Variants in NHSL2 observed in about 807,000 individuals in gnomAD.
NHSL2 encodes the protein NHS like 2.
Under a neutral mutation model 53.4 loss-of-function variants are expected in NHSL2, and 27 were observed. The observed-to-expected ratio is 0.51, with a 90% confidence interval of 0.37 to 0.70. NHSL2 has a LOEUF of 0.70. NHSL2 is among the 30% of genes least tolerant of loss of function. The pLI is 0.00. For missense variants in NHSL2, 892 were observed against 980.1 expected, an observed-to-expected ratio of 0.91 and a Z score of 1.20; for synonymous variants, 408 against 404.1, an observed-to-expected ratio of 1.01 and a Z score of -0.12.
chrX:71,964,012 T>G lies in NHSL2; in HGVS notation c.280+52645T>G, dbSNP rs1165589105. Among the ~76,000 whole-genome samples the G allele has an allele frequency of 2.2e-3, 5 of 2,272 alleles. No homozygotes were observed. In the East Asian group the frequency reaches 0.082, roughly 37 times the overall value. 2.0% of individuals were successfully genotyped at this position (2,272 alleles called of 115,157 possible). A position where few individuals can be genotyped will look rare whatever the true frequency, so the allele number is the denominator to read the frequency against. On this transcript the variant is annotated intron_variant, in intron 1 of 7. Coordinates refer to ENST00000633930, the MANE Select transcript of NHSL2 (RefSeq NM_001013627.3). Reference sequence around the variant, plus strand: ...ATATATGTATATACATATATATATGTATATATATATATGTGTATATATATA... The same window carrying G: ...ATATATGTATATACATATATATATGGATATATATATATGTGTATATATATA...
chrX:72,029,454 G>A (rs1364179203), intron 1 of NHSL2, among the ~76,000 whole-genome samples: 1 of 112,600 alleles, frequency 8.9e-6, no homozygotes, highest in African/African-American at 3.2e-5. Flanking sequence ...GGTTATTTGT[G>A]AGCCTGGAAA....
chrX:72,026,126 G>A (rs2042184339), intron 1 of NHSL2, among the ~76,000 whole-genome samples: 1 of 111,990 alleles, frequency 8.9e-6, no homozygotes, highest in Non-Finnish European at 1.9e-5. Flanking sequence ...TTCCCCGTCT[G>A]TTATCAGGGT....
intron 1 of NHSL2, among the ~76,000 whole-genome samples, chrX:71,983,079 T>G (rs2147869433): frequency 9.0e-6 from 1 of 111,533 alleles, no homozygotes; most frequent in South Asian, 3.8e-4. Flanking sequence ...TAGAATTGAT[T>G]GCTTATTTGG....
chrX:72,073,746 A>G (rs2041719232), intron 1 of NHSL2, among the ~76,000 whole-genome samples: 1 of 112,237 alleles, frequency 8.9e-6, no homozygotes, highest in Non-Finnish European at 1.9e-5. Flanking sequence ...AAATCTGCCT[A>G]ATTCTCAAGC....
intron 1 of NHSL2, among the ~76,000 whole-genome samples, chrX:71,935,801 A>G (rs2041735350): frequency 8.9e-6 from 1 of 112,242 alleles, no homozygotes; most frequent in South Asian, 3.7e-4. Flanking sequence ...TAGTACAGCC[A>G]GGACTGGGAA....
intron 1 of NHSL2, among the ~76,000 whole-genome samples, chrX:72,012,565 G>A (rs902453301): frequency 9.8e-5 from 11 of 112,481 alleles, no homozygotes; most frequent in Non-Finnish European, 1.7e-4. Context: ...CTGTGTGTCC[G>A]TCTTATAAGG....
chrX:71,923,207 G>A (rs1478369612), intron 1 of NHSL2, among the ~76,000 whole-genome samples: 1 of 111,614 alleles, frequency 9.0e-6, no homozygotes, highest in East Asian at 2.8e-4. Context: ...GATGGCAAAG[G>A]GTGCTTTCCC....
At chrX:72,024,247 T>C (rs2042174197) in intron 1 of NHSL2, among the ~76,000 whole-genome samples, 1 of 111,740 alleles carries the variant, frequency 8.9e-6, no homozygotes, top group African/African-American at 3.3e-5. Context: ...CACAGGAAGC[T>C]GAGATCTATG....
intron 1 of NHSL2, among the ~76,000 whole-genome samples, chrX:72,011,104 A>G (rs1238641252): frequency 8.9e-6 from 1 of 112,264 alleles, no homozygotes; most frequent in Non-Finnish European, 1.9e-5. Context: ...GCGTGTATCA[A>G]TAGTCTGCCC....
intron 1 of NHSL2, among the ~76,000 whole-genome samples, chrX:72,116,233 A>G (rs2042137809): frequency 8.9e-6 from 1 of 112,157 alleles, no homozygotes; most frequent in Admixed American, 9.4e-5. Context: ...CTATATATAT[A>G]TAAATGTTAA....
intron 1 of NHSL2, among the ~76,000 whole-genome samples, chrX:71,967,737 G>A (rs934701181): frequency 1.1e-4 from 12 of 111,233 alleles, no homozygotes; most frequent in African/African-American, 3.9e-4. Context: ...TATCCTCACT[G>A]AGCATCCAAC....
At chrX:72,076,757 G>A (rs920980035) in intron 1 of NHSL2, among the ~76,000 whole-genome samples, 1 of 112,270 alleles carries the variant, frequency 8.9e-6, no homozygotes, top group Non-Finnish European at 1.9e-5. Flanking sequence ...CTGGGCTAAC[G>A]TGGCCTCCTA....
At chrX:72,107,176 C>T (rs954515821) in intron 1 of NHSL2, among the ~76,000 whole-genome samples, 19 of 110,542 alleles carry the variant, frequency 1.7e-4, no homozygotes, top group Non-Finnish European at 3.6e-4. Flanking sequence ...GTAATCCTAG[C>T]ACTTTGGGAG....
At chrX:72,102,243 C>T (rs149346932) in intron 1 of NHSL2, among the ~76,000 whole-genome samples, 4,200 of 112,183 alleles carry the variant, frequency 0.037, 117 homozygotes, top group South Asian at 0.11. Context: ...GGCATCTATG[C>T]ACCTGCTGAT....
In NHSL2 at chrX:72,044,685, C is replaced by T. The variant is rs760063989; in HGVS notation, c.281-87394C>T. 7.5e-5 allele frequency: 86 copies of T among 1,151,708 alleles called. No individual in the cohort carries two copies. In the African/African-American group the frequency reaches 8.9e-4, roughly 12 times the overall value. 94.9% of individuals were successfully genotyped at this position (1,151,708 alleles called of 1,213,427 possible). ...TCGTCATTCGAAACATAGTGGAGGC[C>T]GCAGCAGTCAGGGACATTTCTGAAG... On this transcript the variant is annotated intron_variant, in intron 1 of 7. Coordinates refer to ENST00000633930, the MANE Select transcript of NHSL2 (RefSeq NM_001013627.3).
In NHSL2 at chrX:72,079,679, G is replaced by A. The variant is rs147189596; in HGVS notation, c.281-52400G>A. The A allele has an allele frequency of 8.9e-5, 10 of 112,556 alleles. No individual in the cohort carries two copies. The East Asian group carries it at 2.8e-3, about 31-fold the overall frequency. The allele number at this position is 112,556 out of a possible 1,213,427, so 9.3% of individuals were successfully genotyped here. A position where few individuals can be genotyped will look rare whatever the true frequency, so the allele number is the denominator to read the frequency against. On this transcript the variant is annotated intron_variant, in intron 1 of 7. Coordinates refer to ENST00000633930, the MANE Select transcript of NHSL2 (RefSeq NM_001013627.3). ...TGGAAGAGAGACTTGCAAAAAACAA[G>A]GCCTATCCCTGTGCACGCCTCTCCT...
At chrX:72,094,480 T>C (rs2041927586) in intron 1 of NHSL2, among the ~76,000 whole-genome samples, 1 of 110,798 alleles carries the variant, frequency 9.0e-6, no homozygotes, top group Admixed American at 9.6e-5. Context: ...AATTTGTTCC[T>C]GATATTTTTT....
At chrX:72,028,142 G>A (rs1283061778) in intron 1 of NHSL2, among the ~76,000 whole-genome samples, 1 of 112,537 alleles carries the variant, frequency 8.9e-6, no homozygotes, top group Non-Finnish European at 1.9e-5. Flanking sequence ...AGGTGAATGG[G>A]ATTCAGTCTG....
At chrX:71,923,846 C>T (rs1238526491) in intron 1 of NHSL2, among the ~76,000 whole-genome samples, 4 of 112,154 alleles carry the variant, frequency 3.6e-5, no homozygotes, top group East Asian at 5.6e-4. Context: ...CTTCTGGGTT[C>T]TAGATGGGAA....
Sources: allele counts gnomAD v4.1 joint callset (sites outside exome capture counted in the v4.1 genomes callset), GRCh38; gene constraint gnomAD v4.1.1; transcripts MANE v1.5; gene names NCBI Gene and HGNC (gene_info 2026-07-23, HGNC 2026-07-21).